PCDH9: variants seen among roughly 807,000 people sequenced by gnomAD.
PCDH9 encodes the protein protocadherin-9.
A neutral mutation model predicts 70.6 loss-of-function variants in PCDH9; 24 were observed. The ratio of observed to expected loss-of-function variants is 0.34; its 90% confidence interval spans 0.25 to 0.48. The LOEUF is 0.48. PCDH9 is among the 20% of genes least tolerant of loss of function. PCDH9 has a pLI of 0.99. For synonymous variants in PCDH9, 562 were observed against 558.5 expected (o/e 1.01, Z -0.09); for missense variants, 1,281 against 1,503.6 (o/e 0.85, Z 2.45).
At chr13:66,903,001 G>A (rs2082301969) in intron 3 of PCDH9, among the ~76,000 whole-genome samples, 1 of 151,308 alleles carries the variant, frequency 6.6e-6, no homozygotes. Context: ...AAAATACAGG[G>A]AAATAAAAGA....
intron 3 of PCDH9, among the ~76,000 whole-genome samples, chr13:66,791,053 C>T (rs1394564496): frequency 1.3e-5 from 2 of 152,078 alleles, no homozygotes; most frequent in Admixed American, 1.3e-4. Context: ...GAAGCAGAAG[C>T]TATTGTGTGA....
chr13:66,758,957 C>G (rs1470156311), intron 3 of PCDH9, among the ~76,000 whole-genome samples: 1 of 151,936 alleles, frequency 6.6e-6, no homozygotes, highest in African/African-American at 2.4e-5. Context: ...ATTTCTGTGG[C>G]ATTAATTATA....
chr13:67,026,169 C>T (rs7991921), intron 2 of PCDH9, among the ~76,000 whole-genome samples: 24,902 of 152,008 alleles, frequency 0.16, 2,163 homozygotes, highest in Middle Eastern at 0.24. Context: ...GTATATTGAA[C>T]CAGCCTTGCA....
chr13:67,134,525 A>G (rs1370484246), intron 2 of PCDH9, among the ~76,000 whole-genome samples: 2 of 152,128 alleles, frequency 1.3e-5, no homozygotes, highest in Admixed American at 6.6e-5. Flanking sequence ...TTGGAACTAC[A>G]GCCAGTTCTC....
At position 66,828,810 on chromosome 13, in the gene PCDH9, A is replaced by AAATAATAATAAT. The variant is rs61269805; in HGVS notation, c.3138+74682_3138+74693dup. Among the ~76,000 whole-genome samples, 1,318 of 148,654 alleles carry AAATAATAATAAT rather than the reference A, an allele frequency of 8.9e-3. 10 individuals are homozygous for AAATAATAATAAT. Among genetic ancestry groups the AAATAATAATAAT allele is most frequent in the Middle Eastern group, 0.028 (8 of 282 alleles). On this transcript the variant is annotated intron_variant, in intron 3 of 4. Coordinates refer to ENST00000377865, the MANE Select transcript of PCDH9 (RefSeq NM_203487.3). Reference sequence around the variant, plus strand: ...TAAATTTTGTTGTAAGCCATACATAAAATAATAATAATAATAATAATAATA... The same window carrying AAATAATAATAAT: ...TAAATTTTGTTGTAAGCCATACATAAAATAATAATAATAATAATAATAATAATAATAATAATA...
chr13:66,360,265 AGTTG>A lies in PCDH9; in HGVS notation c.3341-55241_3341-55238del, dbSNP rs368425121. Among the ~76,000 whole-genome samples, 617 of 152,246 alleles carry A rather than the reference AGTTG, an allele frequency of 4.1e-3. 1 individual carries two copies. The highest frequency in any genetic ancestry group is 0.031 in the Middle Eastern group (9 of 294). On this transcript the variant is annotated intron_variant, in intron 4 of 4. Transcript: ENST00000377865. ...TATAGATAGCAGTAGTTTTGCAAAA[AGTTG>A]ACGTCCACCTTGATGGCAGGTTGTA...
At chr13:66,929,343 G>C (rs1020234853) in intron 2 of PCDH9, among the ~76,000 whole-genome samples, 1 of 150,488 alleles carries the variant, frequency 6.6e-6, no homozygotes, top group African/African-American at 2.4e-5. Flanking sequence ...ATATTTTTTA[G>C]ATGGAGTTTC....
intron 2 of PCDH9, among the ~76,000 whole-genome samples, chr13:67,030,010 G>T (rs1217792278): frequency 6.6e-6 from 1 of 152,140 alleles, no homozygotes; most frequent in East Asian, 1.9e-4. Context: ...ATCAGAAAGA[G>T]ACTACATTTC....
intron 2 of PCDH9, among the ~76,000 whole-genome samples, chr13:66,953,725 G>T (rs2083222306): frequency 6.6e-6 from 1 of 152,230 alleles, no homozygotes; most frequent in Non-Finnish European, 1.5e-5. Flanking sequence ...AACCCAGCAT[G>T]TGGTATATGT....
intron 2 of PCDH9, among the ~76,000 whole-genome samples, chr13:67,099,576 T>C (rs974328578): frequency 1.3e-5 from 2 of 152,156 alleles, no homozygotes; most frequent in African/African-American, 2.4e-5. Flanking sequence ...GAATATTGTG[T>C]TTTTAAGCAC....
chr13:66,910,253 G>C (rs2082437697), intron 2 of PCDH9, among the ~76,000 whole-genome samples: 1 of 152,302 alleles, frequency 6.6e-6, no homozygotes, highest in African/African-American at 2.4e-5. Context: ...GAAACTGACT[G>C]TTGCACGTGG....
intron 3 of PCDH9, chr13:66,885,896 G>A (rs1304130621): frequency 1.3e-5 from 2 of 152,072 alleles, no homozygotes; most frequent in African/African-American, 4.8e-5. Flanking sequence ...TTGTATTTAA[G>A]GATATCTCTG....
At chr13:67,142,245 T>TTA (rs1163683489) in intron 2 of PCDH9, among the ~76,000 whole-genome samples, 1 of 152,200 alleles carries the variant, frequency 6.6e-6, no homozygotes, top group African/African-American at 2.4e-5. Flanking sequence ...AATTTATAAA[T>TTA]TTTAATAGAC....
At chr13:66,855,163 A>G (rs1347028504) in intron 3 of PCDH9, among the ~76,000 whole-genome samples, 2 of 152,154 alleles carry the variant, frequency 1.3e-5, no homozygotes, top group Non-Finnish European at 2.9e-5. Context: ...TGTGCTACCA[A>G]TGCTAATGGG....
chr13:66,385,052 T>A (rs1949586963), intron 4 of PCDH9, among the ~76,000 whole-genome samples: 1 of 152,186 alleles, frequency 6.6e-6, no homozygotes. Context: ...AATCACTGCT[T>A]TATTCTCTAT....
At chr13:67,042,275 A>G (rs1225842993) in intron 2 of PCDH9, among the ~76,000 whole-genome samples, 5 of 152,316 alleles carry the variant, frequency 3.3e-5, no homozygotes, top group Admixed American at 6.5e-5. Context: ...TTTATAAAGG[A>G]AAGATGTTTA....
chr13:66,975,237 A>G (rs1055253447), intron 2 of PCDH9, among the ~76,000 whole-genome samples: 2 of 152,024 alleles, frequency 1.3e-5, no homozygotes, highest in African/African-American at 4.8e-5. Context: ...AATTATAACA[A>G]TCAGAATTAC....
At chr13:66,945,647 G>A (rs371613385) in intron 2 of PCDH9, among the ~76,000 whole-genome samples, 77 of 152,118 alleles carry the variant, frequency 5.1e-4, no homozygotes, top group African/African-American at 1.5e-3. Context: ...TTGTTAAGAC[G>A]CAGCCATGCT....
At chr13:66,667,830 A>G (rs2078117249) in intron 3 of PCDH9, among the ~76,000 whole-genome samples, 1 of 152,184 alleles carries the variant, frequency 6.6e-6, no homozygotes, top group East Asian at 1.9e-4. Context: ...TAGCTTCACA[A>G]CTAAATCAAT....
Sources: gnomAD v4.1 joint callset for allele counts (sites outside exome capture counted in the v4.1 genomes callset) on GRCh38, gnomAD v4.1.1 for gene constraint, MANE v1.5 for transcripts, NCBI Gene and HGNC (gene_info 2026-07-23, HGNC 2026-07-21) for gene names.